Variants in ZNF608 observed in about 807,000 individuals in gnomAD.
The protein encoded by ZNF608 is zinc finger protein 608, also known as renal carcinoma antigen NY-REN-36.
ZNF608 carries 12 observed loss-of-function variants against 109.0 expected under a neutral mutation model. The observed-to-expected ratio is 0.11, with a 90% confidence interval of 0.07 to 0.18. ZNF608 has a LOEUF of 0.18. Ranked by LOEUF, ZNF608 falls within the 10% of genes least tolerant of loss-of-function variation. The pLI, the probability that ZNF608 is intolerant of heterozygous loss-of-function variation, is 1.00. For missense variants in ZNF608, 1,707 were observed against 1,879.3 expected, an observed-to-expected ratio of 0.91 and a Z score of 1.70; for synonymous variants, 732 against 717.4, an observed-to-expected ratio of 1.02 and a Z score of -0.33.
chr5:124,737,107 T>G (rs983786318), intron 2 of ZNF608, among the ~76,000 whole-genome samples: 9 of 152,230 alleles, frequency 5.9e-5, no homozygotes, highest in Non-Finnish European at 1.5e-5. Context: ...TATACGTCTG[T>G]GGCACCATGC....
chr5:124,728,405 G>A (rs1040323414), intron 2 of ZNF608, among the ~76,000 whole-genome samples: 3 of 152,144 alleles, frequency 2.0e-5, no homozygotes, highest in East Asian at 3.9e-4. Context: ...CTGCTTTGGG[G>A]TGGCTGACAT....
chr5:124,722,576 TAC>T (rs10556672), intron 2 of ZNF608, among the ~76,000 whole-genome samples: 6,491 of 144,906 alleles, frequency 0.045, 149 homozygotes, highest in East Asian at 0.11. Flanking sequence ...ACCCTTAAAA[TAC>T]ACACACACAC....
Position 124,658,831 on chromosome 5 carries a change from T to C in ZNF608, c.1163-9134A>G, listed in dbSNP as rs188746956. Among the ~76,000 whole-genome samples, 59 of 152,342 alleles carry C rather than the reference T, an allele frequency of 3.9e-4. No homozygotes were observed. In the Middle Eastern group the frequency reaches 0.014, roughly 35 times the overall value. On this transcript the variant is annotated intron_variant, in intron 3 of 9. Coordinates refer to ENST00000513986, the MANE Select transcript of ZNF608 (RefSeq NM_020747.3). ...TTGTTAGGACACATTTTTCTTCTTT[T>C]AAATAAAAGTGTTAAAAAGTTTGGG...
At chr5:124,666,347 A>C (rs1444975733) in intron 3 of ZNF608, 1 of 152,210 alleles carries the variant, frequency 6.6e-6, no homozygotes, top group African/African-American at 2.4e-5. Flanking sequence ...CTTTTGGTGA[A>C]TGCGCCACTA....
At chr5:124,690,924 A>ACACACAC (rs1561562225) in intron 3 of ZNF608, among the ~76,000 whole-genome samples, 6 of 86,994 alleles carry the variant, frequency 6.9e-5, no homozygotes, top group South Asian at 3.8e-4. Context: ...GCAACAGAAA[A>ACACACAC]ACACACACAC....
At chr5:124,659,230 G>C (rs1048449931) in intron 3 of ZNF608, among the ~76,000 whole-genome samples, 2 of 151,750 alleles carry the variant, frequency 1.3e-5, no homozygotes, top group Admixed American at 6.6e-5. Flanking sequence ...AAAAAAACAG[G>C]TAAAGAGAAC....
At chr5:124,723,710 T>C (rs1037185734) in intron 2 of ZNF608, among the ~76,000 whole-genome samples, 3 of 152,100 alleles carry the variant, frequency 2.0e-5, no homozygotes, top group Non-Finnish European at 4.4e-5. Context: ...AATCTGACTA[T>C]ACAGTTTAAG....
Position 124,647,875 on chromosome 5 carries a change from C to T in ZNF608, c.2509G>A (p.Gly837Arg). ...GCCCCCTTGGAGTCCTCTAGTTTCC[C>T]CAGCTTGGCATCCATTTTTGGGCTT... ...TGSPKMDAKLGKLEDSKGASK... is the reference protein window; with the variant it reads ...TGSPKMDAKLRKLEDSKGASK... Residue 837 changes from glycine to arginine, a missense_variant, in exon 5 of 10, where the codon GGG becomes AGG. Gly to Arg is a moderately radical substitution (Grantham distance 125). Coordinates refer to ENST00000513986, the MANE Select transcript of ZNF608 (RefSeq NM_020747.3). The T allele has an allele frequency of 6.2e-7, 1 of 1,614,228 alleles. No individual in the cohort carries two copies. Among genetic ancestry groups the T allele is most frequent in the Non-Finnish European group, 8.5e-7 (1 of 1,180,038 alleles).
At chr5:124,675,338 G>A (rs1751899070) in intron 3 of ZNF608, among the ~76,000 whole-genome samples, 1 of 152,216 alleles carries the variant, frequency 6.6e-6, no homozygotes, top group African/African-American at 2.4e-5. Flanking sequence ...GGAGATCATG[G>A]ATTTGAAATA....
intron 3 of ZNF608, among the ~76,000 whole-genome samples, chr5:124,666,709 CTG>C (rs10546271): frequency 0.2 from 27,519 of 140,638 alleles, 2,650 homozygotes; most frequent in East Asian, 0.29. Context: ...TGGGTTTGCT[CTG>C]TGTGTGTGTG....
intron 9 of ZNF608, 108 bp downstream of exon 9, chr5:124,639,025 A>G (rs1364912367): frequency 9.2e-7 from 1 of 1,084,320 alleles, no homozygotes; most frequent in African/African-American, 1.6e-5. Context: ...TTACAATGAT[A>G]TAAAACCCAA....
intron 3 of ZNF608, among the ~76,000 whole-genome samples, chr5:124,661,721 A>G (rs1354254461): frequency 6.6e-6 from 1 of 152,116 alleles, no homozygotes; most frequent in African/African-American, 2.4e-5. Context: ...TTTACTGTCT[A>G]TTTCTATATA....
intron 2 of ZNF608, among the ~76,000 whole-genome samples, chr5:124,701,517 T>C (rs1396063273): frequency 1.3e-5 from 2 of 152,196 alleles, no homozygotes; most frequent in African/African-American, 4.8e-5. Context: ...TCAGTGTCCT[T>C]CTCCTTCTAA....
chr5:124,643,809 G>C, intron 6 of ZNF608, 126 bp from the exon 7 acceptor site: 1 of 898,678 alleles, frequency 1.1e-6, no homozygotes, highest in African/African-American at 1.7e-5. Context: ...TTAAGAATGG[G>C]CTACATCATC....
At position 124,653,825 on chromosome 5, in the gene ZNF608, C is replaced by T. The variant is rs912384273; in HGVS notation, c.1163-4128G>A. Among the ~76,000 whole-genome samples, 10 of 152,118 alleles carry T rather than the reference C, an allele frequency of 6.6e-5. No individual in the cohort carries two copies. In the South Asian group the frequency reaches 1.7e-3, roughly 25 times the overall value. ...CTAAAGCTTGCAAGATAGTAAGAGG[C>T]GTAAAGAACCATGATGGGCCAAAGT... On this transcript the variant is annotated intron_variant, in intron 3 of 9. Transcript: ENST00000513986.
At chr5:124,680,548 G>C (rs1752150085) in intron 3 of ZNF608, among the ~76,000 whole-genome samples, 1 of 152,136 alleles carries the variant, frequency 6.6e-6, no homozygotes, top group Admixed American at 6.5e-5. Flanking sequence ...AATTGATCCA[G>C]GTCTGCCTAT....
At chr5:124,684,275 C>T (rs1342930839) in intron 3 of ZNF608, among the ~76,000 whole-genome samples, 1 of 152,190 alleles carries the variant, frequency 6.6e-6, no homozygotes, top group African/African-American at 2.4e-5. Flanking sequence ...AATATCTTAA[C>T]ACTCCTTTGC....
chr5:124,647,043 A>G lies in ZNF608; in HGVS notation c.3341T>C (p.Leu1114Pro). 6.2e-7 allele frequency: 1 copy of G among 1,613,904 alleles called. No homozygotes were observed. The highest frequency in any genetic ancestry group is 2.2e-5 in the East Asian group (1 of 44,882). ...AGTCTGGGCCATTTTCTGCTCTGCC[A>G]GCCTCTGGTCCTCATAGTACTTCTC... ...QYEKYYEDQR[L>P]AEQKMAQTGR... The change falls in exon 5 of 10, where the codon CTG (leucine) becomes CCG (proline). Residue 1114 changes from leucine (L) to proline (P), a missense_variant. Leu to Pro is a moderately conservative substitution (Grantham distance 98). Transcript: ENST00000513986.
intron 3 of ZNF608, among the ~76,000 whole-genome samples, chr5:124,673,153 G>A (rs374623088): frequency 5.9e-5 from 9 of 152,280 alleles, no homozygotes; most frequent in Non-Finnish European, 8.8e-5. Flanking sequence ...CCATCAGTAT[G>A]AGCATAGTTT....
Sources: allele counts gnomAD v4.1 joint callset (sites outside exome capture counted in the v4.1 genomes callset), GRCh38; gene constraint gnomAD v4.1.1; transcripts MANE v1.5; gene names NCBI Gene and HGNC (gene_info 2026-07-23, HGNC 2026-07-21).